The following JMJD1C variants were observed in gnomAD, a reference collection of about 807,000 sequenced individuals.
The protein encoded by JMJD1C is jumonji domain-containing protein 1C.
A neutral mutation model predicts 245.3 loss-of-function variants in JMJD1C; 31 were observed. The ratio of observed to expected loss-of-function variants is 0.13; its 90% CI spans 0.09 to 0.17. The LOEUF is 0.17. Ranked by LOEUF, JMJD1C falls within the 10% of genes least tolerant of loss-of-function variation. The probability of loss-of-function intolerance (pLI) is 1.00; values close to 1 mark genes in which losing one functional copy is unlikely to be tolerated. For missense variants in JMJD1C, 2,691 were observed against 3,000.2 expected (o/e 0.90, Z 2.41); for synonymous variants, 1,057 against 1,017.4 (o/e 1.04, Z -0.74).
At chr10:63,463,829 A>C (rs1952976975) in intron 1 of JMJD1C, among the ~76,000 whole-genome samples, 1 of 152,208 alleles carries the variant, frequency 6.6e-6, no homozygotes, top group African/African-American at 2.4e-5. Context: ...CTATCACCTG[A>C]AGAAACTCCT....
At chr10:63,352,159 T>C (rs1944417966) in intron 2 of JMJD1C, among the ~76,000 whole-genome samples, 1 of 152,186 alleles carries the variant, frequency 6.6e-6, no homozygotes. Flanking sequence ...ACAGACTAAC[T>C]TGAGGTACTT....
At chr10:63,270,472 T>TC (rs1564714573) in intron 2 of JMJD1C, among the ~76,000 whole-genome samples, 2 of 150,340 alleles carry the variant, frequency 1.3e-5, no homozygotes, top group African/African-American at 4.9e-5. Flanking sequence ...TCCAGCCTCT[T>TC]CTTTTTTTTT....
At chr10:63,328,058 T>C (rs1589490167) in intron 2 of JMJD1C, among the ~76,000 whole-genome samples, 1 of 152,176 alleles carries the variant, frequency 6.6e-6, no homozygotes, top group East Asian at 2.0e-4. Flanking sequence ...GCGGATCACC[T>C]GAGGTCGGGA....
intron 3 of JMJD1C, among the ~76,000 whole-genome samples, chr10:63,235,525 G>A (rs925229181): frequency 1.3e-5 from 2 of 151,950 alleles, no homozygotes; most frequent in African/African-American, 4.8e-5. Context: ...AAGAAAATCA[G>A]CATGAACACA....
At chr10:63,356,269 A>G (rs1028005723) in intron 2 of JMJD1C, among the ~76,000 whole-genome samples, 1 of 152,250 alleles carries the variant, frequency 6.6e-6, no homozygotes, top group African/African-American at 2.4e-5. Flanking sequence ...TTATGTCTGA[A>G]TACTAGATAT....
chr10:63,400,246 G>A (rs1020748338), intron 1 of JMJD1C, among the ~76,000 whole-genome samples: 1 of 151,928 alleles, frequency 6.6e-6, no homozygotes, highest in African/African-American at 2.4e-5. Context: ...TTGTATTTTT[G>A]CCATTCTATC....
rs1308052234 is a variant in JMJD1C at position 63,446,325 on chromosome 10, C to G, written c.168+19170G>C. 3.3e-5 allele frequency among the ~76,000 whole-genome samples: 5 copies of G among 152,068 alleles called. No homozygotes were observed. In the East Asian group the frequency reaches 9.6e-4, roughly 29 times the overall value. ...TTTACTGGATAATGAAGACTCAAGG[C>G]AGAACAGGTTAGTATCAGGAACTCA... On this transcript the variant is annotated intron_variant, in intron 1 of 25. Coordinates refer to ENST00000399262, the MANE Select transcript of JMJD1C (RefSeq NM_032776.3).
chr10:63,227,833 CT>C (rs1849491736), intron 3 of JMJD1C, among the ~76,000 whole-genome samples: 1 of 152,124 alleles, frequency 6.6e-6, no homozygotes, highest in African/African-American at 2.4e-5. Flanking sequence ...CAAATAGTTG[CT>C]TGTTCTTAGA....
At chr10:63,335,022 G>GAAAA (rs1196756435) in intron 2 of JMJD1C, among the ~76,000 whole-genome samples, 1 of 22,608 alleles carries the variant, frequency 4.4e-5, no homozygotes, top group African/African-American at 1.9e-4. Context: ...CTCTGTCTTT[G>GAAAA]GAAAAAAATA....
Position 63,282,364 on chromosome 10 carries a change from T to C in JMJD1C, c.334-17600A>G, listed in dbSNP as rs138317915. 6.8e-4 allele frequency among the ~76,000 whole-genome samples: 103 copies of C among 152,336 alleles called. 1 individual carries two copies. Among genetic ancestry groups the C allele is most frequent in the African/African-American group, 2.4e-3 (100 of 41,578 alleles). On this transcript the variant is annotated intron_variant, in intron 2 of 25. Transcript: ENST00000399262. Reference sequence around the variant, plus strand: ...TCACCTATGTTAAGTAGTATTTAGATTCAAAACATGGTAAAGTAATAACAA... The same window carrying C: ...TCACCTATGTTAAGTAGTATTTAGACTCAAAACATGGTAAAGTAATAACAA...
chr10:63,433,258 G>A (rs111346856), intron 1 of JMJD1C, among the ~76,000 whole-genome samples: 26,378 of 151,732 alleles, frequency 0.17, 3,047 homozygotes, highest in Non-Finnish European at 0.26. Context: ...TACCATGCCC[G>A]GCTAATTCTG....
chr10:63,215,034 C>T lies in JMJD1C; in HGVS notation c.1133G>A (p.Ser378Asn). The T allele has an allele frequency of 6.2e-7, 1 of 1,603,678 alleles. No individual in the cohort carries two copies. The highest frequency in any genetic ancestry group is 1.3e-5 in the African/African-American group (1 of 74,672). ...RTDNVSDFSE[S>N]SDSENSNKRI... is the part of the protein sequence containing the mutation. ...CTTATTTGAATTTTCTGAGTCACTG[C>T]TCTCAGAAAAGTCTGAAACATTGTC... Residue 378 changes from serine (S) to asparagine (N), a missense_variant, in exon 8 of 26, where the codon AGC (serine) becomes AAC (asparagine). Transcript: ENST00000399262.
At chr10:63,202,447 G>A in intron 10 of JMJD1C, 2 of 985,408 alleles carry the variant, frequency 2.0e-6, no homozygotes, top group South Asian at 4.7e-5. Context: ...CATGCCCAAT[G>A]TGTGGATCAG....
intron 1 of JMJD1C, among the ~76,000 whole-genome samples, chr10:63,447,500 A>G (rs1951786137): frequency 6.6e-6 from 1 of 152,184 alleles, no homozygotes; most frequent in African/African-American, 2.4e-5. Flanking sequence ...TCATTTCCCA[A>G]TGAACAATTA....
In JMJD1C at chr10:63,206,582, GTAAC is replaced by G. The variant is rs768469756; in HGVS notation, c.5074+9_5074+12del. The stretch of plus-strand genomic sequence containing the variant: ...CCCATTTTACCTGAGATAAAACAAA[GTAAC>G]TGACTTACTATTACTGTTGCTTTGC... On this transcript the variant is annotated intron_variant, in intron 10 of 25. Coordinates refer to ENST00000399262, the MANE Select transcript of JMJD1C (RefSeq NM_032776.3). 1.3e-6 allele frequency: 2 copies of G among 1,556,334 alleles called. No individual in the cohort carries two copies. The highest frequency in any genetic ancestry group is 2.7e-5 in the African/African-American group (2 of 72,800).
At chr10:63,208,982 CTTAAAA>C (rs1564611953) in intron 9 of JMJD1C, 75 bp downstream of exon 9, 10 of 1,263,588 alleles carry the variant, frequency 7.9e-6, no homozygotes, top group East Asian at 2.4e-5. Flanking sequence ...TATGTGTTAA[CTTAAAA>C]TTAACTATTT....
At chr10:63,198,480 T>G (rs200543671) in intron 12 of JMJD1C, 33 bp downstream of exon 12, 6 of 1,262,868 alleles carry the variant, frequency 4.8e-6, no homozygotes, top group Non-Finnish European at 6.7e-6. Context: ...AAAATGAAAT[T>G]TGTGCAGTTC....
At position 63,214,343 on chromosome 10, in the gene JMJD1C, G is replaced by A. The variant is rs1345210759; in HGVS notation, c.1824C>T (p.Val608=). The A allele has an allele frequency of 6.2e-7, 1 of 1,613,844 alleles. No homozygotes were observed. The highest frequency in any genetic ancestry group is 2.2e-5 in the East Asian group (1 of 44,878). Residue 608 remains valine (V), a synonymous_variant, in exon 8 of 26, where the codon GTC becomes GTT. Transcript: ENST00000399262. ...TTCGCTTATGCAGCTTATCTTCCAT[G>A]ACAGAAACTGCACTTAAAGGAGAAA... The part of the protein sequence containing the change: ...SYISPLSAVS[V]MEDKLHKRSP...
At chr10:63,384,890 C>A (rs1947469734) in intron 1 of JMJD1C, among the ~76,000 whole-genome samples, 1 of 152,174 alleles carries the variant, frequency 6.6e-6, no homozygotes, top group African/African-American at 2.4e-5. Context: ...TTGGCAATAA[C>A]AACTTGTCTA....
Sources: allele counts gnomAD v4.1 joint callset (sites outside exome capture counted in the v4.1 genomes callset), GRCh38; gene constraint gnomAD v4.1.1; transcripts MANE v1.5; gene names NCBI Gene and HGNC (gene_info 2026-07-23, HGNC 2026-07-21).